The following KLF12 variants were observed in gnomAD, a reference collection of about 807,000 sequenced individuals.
KLF12 encodes the protein Krueppel-like factor 12.
KLF12 carries 9 observed loss-of-function variants against 37.8 expected under a neutral mutation model. The ratio of observed to expected loss-of-function variants is 0.24; its 90% CI spans 0.14 to 0.42. The LOEUF (loss-of-function observed/expected upper bound fraction) is 0.42, where lower values mean the gene tolerates loss of function less well. KLF12 is among the 10% of genes least tolerant of loss of function. The probability of loss-of-function intolerance (pLI) is 1.00; values close to 1 mark genes in which losing one functional copy is unlikely to be tolerated. For missense variants in KLF12, 411 were observed against 516.0 expected (o/e 0.80, Z 1.97); for synonymous variants, 208 against 202.1 (o/e 1.03, Z -0.25).
chr13:74,128,098 T>C (rs1242877923), intron 1 of KLF12, among the ~76,000 whole-genome samples: 2 of 152,198 alleles, frequency 1.3e-5, no homozygotes, highest in Admixed American at 6.5e-5. Flanking sequence ...TGTAATTTCA[T>C]GTGTTTTTCT....
chr13:73,937,180 C>T (rs1176052922), intron 3 of KLF12, among the ~76,000 whole-genome samples: 1 of 137,700 alleles, frequency 7.3e-6, no homozygotes, highest in Non-Finnish European at 1.6e-5. Context: ...CAGAGCGAGA[C>T]TCCGTCTCAA....
intron 7 of KLF12, among the ~76,000 whole-genome samples, chr13:73,713,522 G>T (rs560196054): frequency 1.4e-4 from 22 of 152,280 alleles, no homozygotes; most frequent in African/African-American, 4.8e-4. Flanking sequence ...ACACGCAAGG[G>T]GTTCCCCGAA....
chr13:74,088,107 A>G (rs1031210855), intron 1 of KLF12, among the ~76,000 whole-genome samples: 2 of 152,162 alleles, frequency 1.3e-5, no homozygotes, highest in African/African-American at 2.4e-5. Flanking sequence ...ATGGGGCACA[A>G]AGAGATACAA....
chr13:73,939,185 G>C (rs2139338331), intron 3 of KLF12, among the ~76,000 whole-genome samples: 1 of 152,334 alleles, frequency 6.6e-6, no homozygotes, highest in African/African-American at 2.4e-5. Flanking sequence ...CCCCGCGGCA[G>C]ATTCCTCAGA....
the KLF12 span, among the ~76,000 whole-genome samples, chr13:74,248,813 G>A: frequency 6.6e-6 from 1 of 152,100 alleles, no homozygotes; most frequent in Admixed American, 6.6e-5. Flanking sequence ...AGCATGCAAA[G>A]AGAGCAAACC....
the KLF12 span, among the ~76,000 whole-genome samples, chr13:74,175,047 T>C: frequency 1.3e-5 from 2 of 152,190 alleles, no homozygotes; most frequent in Non-Finnish European, 2.9e-5. Flanking sequence ...GCCACAAGCA[T>C]GGAGCCCCGG....
intron 3 of KLF12, among the ~76,000 whole-genome samples, chr13:73,862,981 T>C (rs1046290255): frequency 6.6e-6 from 1 of 152,184 alleles, no homozygotes; most frequent in African/African-American, 2.4e-5. Context: ...AACATTCAAT[T>C]ATCTACTCAT....
At chr13:73,756,745 C>T (rs567229699) in intron 6 of KLF12, among the ~76,000 whole-genome samples, 2 of 152,208 alleles carry the variant, frequency 1.3e-5, no homozygotes, top group South Asian at 4.1e-4. Flanking sequence ...AGGATTGTAA[C>T]CAAGGGCTGG....
the KLF12 span, among the ~76,000 whole-genome samples, chr13:74,183,236 A>T: frequency 6.6e-6 from 1 of 152,142 alleles, no homozygotes; most frequent in Non-Finnish European, 1.5e-5. Context: ...GAAAGTTTGT[A>T]CTCTACAAGA....
At chr13:73,997,245 C>T (rs1892147067) in intron 1 of KLF12, among the ~76,000 whole-genome samples, 1 of 152,058 alleles carries the variant, frequency 6.6e-6, no homozygotes, top group Admixed American at 6.6e-5. Flanking sequence ...CCTAGTCTCA[C>T]CTCTATTATC....
chr13:73,800,842 T>C (rs752822720), intron 5 of KLF12: 29 of 152,140 alleles, frequency 1.9e-4, no homozygotes, highest in Admixed American at 1.0e-3. Flanking sequence ...TTTTATTATA[T>C]AAGTAAAAGT....
intron 3 of KLF12, among the ~76,000 whole-genome samples, chr13:73,929,706 A>G (rs901330883): frequency 7.9e-5 from 12 of 152,198 alleles, no homozygotes; most frequent in Middle Eastern, 3.2e-3. Context: ...GCCACCTCCA[A>G]GTGTGTGGTG....
chr13:74,134,550 T>TA (rs1491394394), upstream of KLF12, among the ~76,000 whole-genome samples: 1 of 109,824 alleles, frequency 9.1e-6, no homozygotes, highest in Non-Finnish European at 1.9e-5. Context: ...GCCCCACCCC[T>TA]GCCCCCGCCC....
At chr13:73,801,859 T>C (rs1297708078) in intron 5 of KLF12, 1 of 152,154 alleles carries the variant, frequency 6.6e-6, no homozygotes, top group African/African-American at 2.4e-5. Flanking sequence ...CTATCCATGG[T>C]GTAATTTTGG....
At chr13:73,799,248 G>T (rs1172714718) in intron 5 of KLF12, among the ~76,000 whole-genome samples, 1 of 152,090 alleles carries the variant, frequency 6.6e-6, no homozygotes, top group Non-Finnish European at 1.5e-5. Context: ...AGACACTGGG[G>T]TCTACCTGAA....
chr13:74,135,513 C>T (rs1270218968), upstream of KLF12, among the ~76,000 whole-genome samples: 5 of 151,634 alleles, frequency 3.3e-5, no homozygotes, highest in Non-Finnish European at 7.4e-5. Context: ...CCCTGCAGTT[C>T]CCGCGGCGGC....
intron 3 of KLF12, among the ~76,000 whole-genome samples, chr13:73,932,642 T>A (rs893022624): frequency 1.3e-5 from 2 of 152,194 alleles, no homozygotes; most frequent in African/African-American, 4.8e-5. Context: ...ATTTTGCCCA[T>A]GTGGTGACCA....
At chr13:73,794,331 T>C (rs916000470) in intron 5 of KLF12, among the ~76,000 whole-genome samples, 1 of 152,142 alleles carries the variant, frequency 6.6e-6, no homozygotes, top group African/African-American at 2.4e-5. Context: ...CGTGATGGTA[T>C]GCGCTTGTAG....
At chr13:74,159,755 A>G in the KLF12 span, among the ~76,000 whole-genome samples, 1 of 152,080 alleles carries the variant, frequency 6.6e-6, no homozygotes, top group Admixed American at 6.5e-5. Flanking sequence ...ATGGTTGCTT[A>G]TTCCTGTAAT....
Sources: allele counts gnomAD v4.1 joint callset (sites outside exome capture counted in the v4.1 genomes callset), GRCh38; gene constraint gnomAD v4.1.1; transcripts MANE v1.5; gene names NCBI Gene and HGNC (gene_info 2026-07-23, HGNC 2026-07-21).